Variants in DERPC observed in about 807,000 individuals in gnomAD.
DERPC encodes the protein decreased expression in renal and prostate cancer protein.
A neutral mutation model predicts 7.2 loss-of-function variants in DERPC; 1 was observed. The ratio of observed to expected loss-of-function variants is 0.14; its 90% CI spans 0.05 to 0.66. DERPC has a LOEUF of 0.66. Among genes scored for constraint, DERPC ranks in the 30% least tolerant of loss-of-function variants. The pLI is 0.84. For synonymous variants in DERPC, 185 were observed against 117.6 expected, an observed-to-expected ratio of 1.57 and a Z score of -3.71; for missense variants, 502 against 299.4, an observed-to-expected ratio of 1.68 and a Z score of -4.99.
Position 69,119,984 on chromosome 16 carries a change from C to G in DERPC, c.445G>C (p.Gly149Arg). ...GACATAGGACCTGGTCCTGGGAGAC[C>G]CCCTAACCTGGGGTTAGACAGAGGC... ...PGPLSNPRLG[G>R]LPGPGPMSNP... Residue 149 changes from glycine (G) to arginine (R), a missense_variant, in exon 3 of 3, where the codon GGT becomes CGT. Gly to Arg is a moderately radical substitution (Grantham distance 125). Transcript: ENST00000519520. The G allele has an allele frequency of 1.4e-6, 1 of 696,936 alleles. No homozygotes were observed. The highest frequency in any genetic ancestry group is 2.6e-6 in the Non-Finnish European group (1 of 380,478). 43.2% of individuals were successfully genotyped at this position (696,936 alleles called of 1,614,324 possible).
At chr16:69,124,453 T>C (rs1359946552) in intron 1 of DERPC, among the ~76,000 whole-genome samples, 1 of 152,304 alleles carries the variant, frequency 6.6e-6, no homozygotes, top group East Asian at 1.9e-4. Context: ...AGATGGACTC[T>C]CACTCTGTTG....
Position 69,119,329 on chromosome 16 carries a change from C to A in DERPC, c.1100G>T (p.Gly367Val), listed in dbSNP as rs897465159. Residue 367 changes from glycine (G) to valine (V), a missense_variant, in exon 3 of 3, where the codon GGT becomes GTT. Transcript: ENST00000519520. ...VNANPFPRGA[G>V]SSAFSQSSGT... Reference sequence around the variant, plus strand: ...AGAAGACTGAGAAAAGGCAGATGAACCTGCTCCCCTGGGAAAGGGATTGGC... The same window carrying A: ...AGAAGACTGAGAAAAGGCAGATGAAACTGCTCCCCTGGGAAAGGGATTGGC... 11 of 702,954 alleles carry A rather than the reference C, an allele frequency of 1.6e-5. No homozygotes were observed. The highest frequency in any genetic ancestry group is 2.6e-5 in the Non-Finnish European group (10 of 385,030). 43.5% of individuals were successfully genotyped at this position (702,954 alleles called of 1,614,324 possible).
At position 69,118,711 on chromosome 16, in the gene DERPC, A is replaced by G; in HGVS notation, c.*143T>C. ...CTCACCTTCAGTCAAGAAAAACGCAAAGGAAAAAGATGGCTCATTTGAACT... is the reference window on the plus strand; with the variant it reads ...CTCACCTTCAGTCAAGAAAAACGCAGAGGAAAAAGATGGCTCATTTGAACT... On this transcript the variant is annotated 3_prime_UTR_variant, in exon 3 of 3. Coordinates refer to ENST00000519520, the MANE Select transcript of DERPC (RefSeq NM_001002847.4). 1.5e-6 allele frequency: 1 copy of G among 648,544 alleles called. No individual in the cohort carries two copies. The highest frequency in any genetic ancestry group is 2.8e-6 in the Non-Finnish European group (1 of 361,042). 40.2% of individuals were successfully genotyped at this position (648,544 alleles called of 1,614,324 possible).
Position 69,121,464 on chromosome 16 carries a change from T to C in DERPC, c.-250A>G. On this transcript the variant is annotated 5_prime_UTR_variant, in exon 2 of 3. Coordinates refer to ENST00000519520, the MANE Select transcript of DERPC (RefSeq NM_001002847.4). ...GAAATAACAATTTGCACCATGAGCT[T>C]TCTGTCTTTAAAAAGCAAGTGAAAA... The C allele has an allele frequency of 6.9e-6, 11 of 1,600,224 alleles. No individual in the cohort carries two copies. The highest frequency in any genetic ancestry group is 9.4e-6 in the Non-Finnish European group (11 of 1,176,378).
At chr16:69,128,938 C>T (rs1364774975) in intron 1 of DERPC, among the ~76,000 whole-genome samples, 3 of 152,214 alleles carry the variant, frequency 2.0e-5, no homozygotes, top group African/African-American at 7.2e-5. Flanking sequence ...GTGGCGCTCA[C>T]CTGTAATCCC....
chr16:69,127,464 C>A (rs956966029), intron 1 of DERPC, among the ~76,000 whole-genome samples: 13 of 152,088 alleles, frequency 8.5e-5, no homozygotes, highest in Non-Finnish European at 1.6e-4. Flanking sequence ...AGAGCAATTT[C>A]TAGTTGTTTG....
At chr16:69,121,517 T>G (rs1166408798) in intron 1 of DERPC, 24 bp from the exon 2 acceptor site, 1 of 1,446,290 alleles carries the variant, frequency 6.9e-7, no homozygotes, top group Admixed American at 2.0e-5. Context: ...AAAAGAGATT[T>G]AGGGTAATAA....
chr16:69,118,092 G>A lies in DERPC; in HGVS notation c.*762C>T, dbSNP rs1250274250. On this transcript the variant is annotated 3_prime_UTR_variant, in exon 3 of 3. Coordinates refer to ENST00000519520, the MANE Select transcript of DERPC (RefSeq NM_001002847.4). ...ACCAACCATCCTTGCACACCAGGCCGAACAAAGCACAGTGATTTCTTCCCT... is the reference window on the plus strand; with the variant it reads ...ACCAACCATCCTTGCACACCAGGCCAAACAAAGCACAGTGATTTCTTCCCT... 12 of 540,392 alleles carry A rather than the reference G, an allele frequency of 2.2e-5. No individual in the cohort carries two copies. The highest frequency in any genetic ancestry group is 5.7e-5 in the African/African-American group (3 of 52,710). 33.5% of individuals were successfully genotyped at this position (540,392 alleles called of 1,614,324 possible). A position where few individuals can be genotyped will look rare whatever the true frequency, so the allele number is the denominator to read the frequency against.
chr16:69,125,543 T>G (rs1366081938), intron 1 of DERPC, among the ~76,000 whole-genome samples: 1 of 152,156 alleles, frequency 6.6e-6, no homozygotes, highest in Non-Finnish European at 1.5e-5. Flanking sequence ...CAGGCAGGCA[T>G]GGAGTATATG....
rs1961577466 is a variant in DERPC, at chr16:69,120,594, A to G, written c.-166T>C. ...GACAAGGACTGCAAAAGGTTTCTCC[A>G]GGTGGATGATTTTCCCATACAGGAT... On this transcript the variant is annotated 5_prime_UTR_variant, in exon 3 of 3. Transcript: ENST00000519520. This position sits in a 1 kb window ranked among gnomAD's most constrained non-coding sequence, Gnocchi z 4.0. 5 of 1,613,998 alleles carry G rather than the reference A, an allele frequency of 3.1e-6. No homozygotes were observed. The highest frequency in any genetic ancestry group is 4.2e-6 in the Non-Finnish European group (5 of 1,179,890).
At chr16:69,129,470 G>A (rs868769949) in intron 1 of DERPC, among the ~76,000 whole-genome samples, 1 of 149,734 alleles carries the variant, frequency 6.7e-6, no homozygotes, top group South Asian at 2.1e-4. Flanking sequence ...GTAAAGTCCA[G>A]GCAGAACATT....
chr16:69,126,478 A>G (rs759870214), intron 1 of DERPC, among the ~76,000 whole-genome samples: 15 of 152,236 alleles, frequency 9.9e-5, no homozygotes, highest in Non-Finnish European at 2.1e-4. Flanking sequence ...GTGTACATCT[A>G]TGGCATTACC....
rs2152265615 is a variant in DERPC, at chr16:69,119,939, GACC to G, written c.487_489del (p.Gly163del). On this transcript the variant is annotated inframe_deletion, in exon 3 of 3. Coordinates refer to ENST00000519520, the MANE Select transcript of DERPC (RefSeq NM_001002847.4). ...CTGGGGTCAGGACCTGCTCCCAGGA[GACC>G]ACCTGCCCTTGGGTTGGACATAGGA... 2 of 702,188 alleles carry G rather than the reference GACC, an allele frequency of 2.8e-6. No individual in the cohort carries two copies. Among genetic ancestry groups the G allele is most frequent in the Non-Finnish European group, 2.6e-6 (1 of 384,438 alleles). 43.5% of individuals were successfully genotyped at this position (702,188 alleles called of 1,614,324 possible). A position where few individuals can be genotyped will look rare whatever the true frequency, so the allele number is the denominator to read the frequency against.
Position 69,120,226 on chromosome 16 carries a change from T to C in DERPC, c.203A>G (p.Asn68Ser), listed in dbSNP as rs747139094. The C allele has an allele frequency of 1.4e-6, 1 of 705,580 alleles. No homozygotes were observed. Among genetic ancestry groups the C allele is most frequent in the South Asian group, 1.5e-5 (1 of 67,612 alleles). 43.7% of individuals were successfully genotyped at this position (705,580 alleles called of 1,614,324 possible). The change falls in exon 3 of 3, where the codon AAC (asparagine) becomes AGC (serine). Residue 68 changes from asparagine to serine, a missense_variant. Physicochemically the swap from Asn to Ser is conservative, Grantham distance 46. Transcript: ENST00000519520. The surrounding 1 kb of genome is among the most constrained non-coding windows in gnomAD (Gnocchi z 4.0). ...LGGNLTPFPR[N>S]PSPFPASSGS... ...TGATGAAGCTGGAAAAGGAGATGGG[T>C]TCCTTGGAAATGGGGTCAGATTTCC... is the stretch of plus-strand genomic sequence containing the variant.
At position 69,119,606 on chromosome 16, in the gene DERPC, G is replaced by A; in HGVS notation, c.823C>T (p.Leu275Phe). ...CCTGCTGCTCTTAGAATGGGGGCAA[G>A]ATCGAGGCCTTGAGGTCCAGCCATT... ...LRMAGPQGLD[L>F]APILRAAGLL... The change falls in exon 3 of 3, where the codon CTT (leucine) becomes TTT (phenylalanine). Residue 275 changes from leucine to phenylalanine, a missense_variant. Transcript: ENST00000519520. The A allele has an allele frequency of 1.4e-6, 1 of 698,390 alleles. No homozygotes were observed. The highest frequency in any genetic ancestry group is 2.6e-6 in the Non-Finnish European group (1 of 382,162). The allele number at this position is 698,390 out of a possible 1,614,324, so 43.3% of individuals were successfully genotyped here.
chr16:69,124,928 G>C (rs935126402), intron 1 of DERPC, among the ~76,000 whole-genome samples: 2 of 151,836 alleles, frequency 1.3e-5, no homozygotes, highest in African/African-American at 2.4e-5. Flanking sequence ...TTTTGAGACA[G>C]AGTTTCGCTC....
At chr16:69,127,628 G>A (rs1011126859) in intron 1 of DERPC, among the ~76,000 whole-genome samples, 3 of 87,236 alleles carry the variant, frequency 3.4e-5, no homozygotes, top group African/African-American at 1.4e-4. Flanking sequence ...TTTTTTTTGT[G>A]AGACAGTGTC....
chr16:69,121,814 C>T (rs1365652137), intron 1 of DERPC, among the ~76,000 whole-genome samples: 1 of 152,090 alleles, frequency 6.6e-6, no homozygotes, highest in Admixed American at 6.5e-5. Flanking sequence ...ACTACAGGTG[C>T]CCGCCACCAC....
Position 69,129,367 on chromosome 16 carries a change from T to C in DERPC, c.-280+3117A>G, listed in dbSNP as rs1237110125. On this transcript the variant is annotated intron_variant, in intron 1 of 2. Coordinates refer to ENST00000519520, the MANE Select transcript of DERPC (RefSeq NM_001002847.4). ...ATGGCGTGAACCCAGGAGGCAGAGG[T>C]TGCAGTGAGCCGACATCACGCCACT... Among the ~76,000 whole-genome samples, 3 of 145,046 alleles carry C rather than the reference T, an allele frequency of 2.1e-5. No individual in the cohort carries two copies. The South Asian group carries it at 6.4e-4, about 31-fold the overall frequency.
Sources: gnomAD v4.1 joint callset for allele counts (sites outside exome capture counted in the v4.1 genomes callset) on GRCh38, gnomAD v4.1.1 for gene constraint, Gnocchi (gnomAD v3.1) non-coding constraint, MANE v1.5 for transcripts, NCBI Gene and HGNC (gene_info 2026-07-23, HGNC 2026-07-21) for gene names.